The following GNAO1 variants were observed in gnomAD, a reference collection of about 807,000 sequenced individuals.
GNAO1 encodes the protein guanine nucleotide-binding protein G(o) subunit alpha.
For missense variants in GNAO1, 166 were observed against 478.7 expected (o/e 0.35, Z 6.10); for synonymous variants, 164 against 180.7 (o/e 0.91, Z 0.74).
At chr16:56,241,930 C>T (rs1246590058) in intron 2 of GNAO1, among the ~76,000 whole-genome samples, 1 of 152,236 alleles carries the variant, frequency 6.6e-6, no homozygotes, top group East Asian at 1.9e-4. Context: ...GGAAGCTACA[C>T]TGGGAAGATG....
At chr16:56,279,435 G>A (rs2037094409) in intron 3 of GNAO1, among the ~76,000 whole-genome samples, 2 of 152,178 alleles carry the variant, frequency 1.3e-5, no homozygotes, top group South Asian at 4.1e-4. Context: ...CCAGGCCCCA[G>A]CCTCAGACTA....
At chr16:56,218,956 G>T (rs2036459824) in intron 2 of GNAO1, among the ~76,000 whole-genome samples, 1 of 152,106 alleles carries the variant, frequency 6.6e-6, no homozygotes, top group Non-Finnish European at 1.5e-5. Context: ...TTGTGGGCAT[G>T]CACCCACACA....
At chr16:56,268,820 C>T (rs774368827) in intron 2 of GNAO1, among the ~76,000 whole-genome samples, 2 of 152,142 alleles carry the variant, frequency 1.3e-5, no homozygotes, top group Admixed American at 6.5e-5. Context: ...TTCACTTTAC[C>T]GTCCTGTCCA....
chr16:56,315,928 G>A (rs943036685), intron 3 of GNAO1, among the ~76,000 whole-genome samples: 3 of 151,948 alleles, frequency 2.0e-5, no homozygotes, highest in African/African-American at 7.3e-5. Flanking sequence ...GCATGGTGGC[G>A]GGCACCTGTA....
At chr16:56,336,938 G>A in intron 6 of GNAO1, 78 bp downstream of exon 6, 2 of 1,397,594 alleles carry the variant, frequency 1.4e-6, no homozygotes, top group Non-Finnish European at 9.7e-7. Context: ...CTGAGCACTG[G>A]GCCTCGGGTG....
intron 3 of GNAO1, among the ~76,000 whole-genome samples, chr16:56,320,580 T>C (rs1489058343): frequency 2.6e-5 from 4 of 151,878 alleles, no homozygotes; most frequent in African/African-American, 9.7e-5. Flanking sequence ...AAGGAGGGAG[T>C]GAGCAAAGGA....
At chr16:56,325,714 G>A (rs1457501883) in intron 3 of GNAO1, among the ~76,000 whole-genome samples, 5 of 152,066 alleles carry the variant, frequency 3.3e-5, no homozygotes, top group African/African-American at 1.2e-4. Flanking sequence ...CTTGGGCCTG[G>A]TAGTAGTCAG....
chr16:56,302,091 T>G (rs760756461), intron 3 of GNAO1: 4 of 152,342 alleles, frequency 2.6e-5, no homozygotes, highest in Non-Finnish European at 4.4e-5. Context: ...GATCTACAGC[T>G]CACAATCTAC....
intron 2 of GNAO1, among the ~76,000 whole-genome samples, chr16:56,271,513 G>A (rs1399314701): frequency 6.6e-6 from 1 of 152,148 alleles, no homozygotes; most frequent in Non-Finnish European, 1.5e-5. Context: ...GAGTGCAGTG[G>A]CGTGATCTTG....
chr16:56,246,082 C>T (rs2036741776), intron 2 of GNAO1, among the ~76,000 whole-genome samples: 1 of 152,144 alleles, frequency 6.6e-6, no homozygotes, highest in Non-Finnish European at 1.5e-5. Flanking sequence ...CTCCCTGGGT[C>T]AGCCCTCTTT....
At chr16:56,293,684 A>T (rs1252023218) in intron 3 of GNAO1, among the ~76,000 whole-genome samples, 1 of 152,194 alleles carries the variant, frequency 6.6e-6, no homozygotes, top group Non-Finnish European at 1.5e-5. Context: ...ATCACATAAC[A>T]TATCAAACCC....
At chr16:56,280,114 A>C (rs554895963) in intron 3 of GNAO1, among the ~76,000 whole-genome samples, 105 of 152,376 alleles carry the variant, frequency 6.9e-4, no homozygotes, top group African/African-American at 2.3e-3. Context: ...CCACGTGTGA[A>C]GATTCAAAGG....
intron 3 of GNAO1, among the ~76,000 whole-genome samples, chr16:56,291,161 GT>G (rs1358463103): frequency 6.6e-6 from 1 of 152,192 alleles, no homozygotes; most frequent in Non-Finnish European, 1.5e-5. Context: ...TCATAAGGTA[GT>G]TCCATGTTTG....
Position 56,326,944 on chromosome 16 carries a change from C to A in GNAO1, c.304-1687C>A, listed in dbSNP as rs1190920898. Among the ~76,000 whole-genome samples, 1 of 152,204 alleles carries A rather than the reference C, an allele frequency of 6.6e-6. No homozygotes were observed. Among genetic ancestry groups the A allele is most frequent in the Non-Finnish European group, 1.5e-5 (1 of 68,036 alleles). On this transcript the variant is annotated intron_variant, in intron 3 of 8. Transcript: ENST00000262493. The surrounding 1 kb of genome is among the most constrained non-coding windows in gnomAD (Gnocchi z 4.8). ...AGCTCTCGGCACAGGTGGGTCTGAT[C>A]ATAGAGGCTGGGCCTGGAGTCCGAA...
chr16:56,286,897 G>T (rs1233649973), intron 3 of GNAO1, among the ~76,000 whole-genome samples: 1 of 152,208 alleles, frequency 6.6e-6, no homozygotes, highest in African/African-American at 2.4e-5. Flanking sequence ...ATGGGTGCTG[G>T]GGAGGCCACC....
intron 6 of GNAO1, 28 bp downstream of exon 6, chr16:56,336,888 G>T: frequency 6.3e-7 from 1 of 1,595,392 alleles, no homozygotes; most frequent in Non-Finnish European, 8.5e-7. Flanking sequence ...CCCGGGCAGG[G>T]GGCAGCGCTG....
At position 56,326,981 on chromosome 16, in the gene GNAO1, T is replaced by G. The variant is rs962821068; in HGVS notation, c.304-1650T>G. Among the ~76,000 whole-genome samples, 1 of 152,188 alleles carries G rather than the reference T, an allele frequency of 6.6e-6. No homozygotes were observed. The highest frequency in any genetic ancestry group is 6.5e-5 in the Admixed American group (1 of 15,282). ...GCCTGGAGTCCGAAGGCACCTCATC[T>G]TGAGTCCCACCCCTGCCACTCACCA... On this transcript the variant is annotated intron_variant, in intron 3 of 8. Transcript: ENST00000262493. This position sits in a 1 kb window ranked among gnomAD's most constrained non-coding sequence, Gnocchi z 4.8.
intron 2 of GNAO1, among the ~76,000 whole-genome samples, chr16:56,249,998 T>G (rs2036785431): frequency 1.3e-5 from 2 of 152,166 alleles, no homozygotes; most frequent in South Asian, 4.1e-4. Context: ...CAGCTCAGAC[T>G]TGGCCAACAG....
intron 2 of GNAO1, among the ~76,000 whole-genome samples, chr16:56,196,061 GTT>G (rs1272185179): frequency 6.6e-6 from 1 of 152,016 alleles, no homozygotes; most frequent in South Asian, 2.1e-4. Context: ...AGAGATACCA[GTT>G]TAGAGTGTCA....
Sources: allele counts gnomAD v4.1 joint callset (sites outside exome capture counted in the v4.1 genomes callset), GRCh38; gene constraint gnomAD v4.1.1; non-coding constraint Gnocchi (gnomAD v3.1); transcripts MANE v1.5; gene names NCBI Gene and HGNC (gene_info 2026-07-23, HGNC 2026-07-21).